The following TNRC6C variants were observed in gnomAD, a reference collection of about 807,000 sequenced individuals.
TNRC6C encodes trinucleotide repeat-containing gene 6C protein.
TNRC6C carries 20 observed loss-of-function variants against 153.7 expected under a neutral mutation model. The ratio of observed to expected loss-of-function variants is 0.13; its 90% confidence interval spans 0.09 to 0.19. TNRC6C has a LOEUF of 0.19. TNRC6C is among the 10% of genes least tolerant of loss of function. The probability of loss-of-function intolerance (pLI) is 1.00; values close to 1 mark genes in which losing one functional copy is unlikely to be tolerated. For missense variants in TNRC6C, 1,987 were observed against 2,172.0 expected (o/e 0.91, Z 1.69); for synonymous variants, 811 against 841.4 (o/e 0.96, Z 0.63).
chr17:77,961,626 G>A (rs1009327240), intron 1 of TNRC6C, among the ~76,000 whole-genome samples: 8 of 152,122 alleles, frequency 5.3e-5, no homozygotes, highest in Non-Finnish European at 1.2e-4. Context: ...TTATTGCGGG[G>A]GGCGAGGGTG....
chr17:77,973,186 G>A (rs1262556560), intron 1 of TNRC6C, among the ~76,000 whole-genome samples: 1 of 152,114 alleles, frequency 6.6e-6, no homozygotes, highest in Admixed American at 6.5e-5. Context: ...GATTACAGGC[G>A]TGAGCCACTA....
chr17:78,086,782 C>A, intron 12 of TNRC6C, 71 bp from the exon 15 acceptor site: 1 of 1,584,860 alleles, frequency 6.3e-7, no homozygotes, highest in Non-Finnish European at 8.6e-7. Flanking sequence ...ATGAAGAATG[C>A]ATTTGGTCCC....
intron 1 of TNRC6C, among the ~76,000 whole-genome samples, chr17:78,018,810 TCTATAAA>T (rs2071779105): frequency 6.6e-6 from 1 of 152,152 alleles, no homozygotes; most frequent in Non-Finnish European, 1.5e-5. Flanking sequence ...GAGTACTGTC[TCTATAAA>T]CTAGAAATCC....
chr17:78,103,568 A>G lies in TNRC6C; in HGVS notation c.4712+15A>G. The G allele has an allele frequency of 1.9e-6, 3 of 1,613,770 alleles. No individual in the cohort carries two copies. Among genetic ancestry groups the G allele is most frequent in the Non-Finnish European group, 2.5e-6 (3 of 1,179,820 alleles). ...TCTCTGCACATGTATGTTTTCTCAC[A>G]GCCACCTCAGCGCTCCAAGTAGCTC... On this transcript the variant is annotated intron_variant, in intron 19 of 19. Transcript: ENST00000301624.
chr17:78,064,660 A>G, intron 3 of TNRC6C, 62 bp from the exon 6 acceptor site: 3 of 1,475,016 alleles, frequency 2.0e-6, no homozygotes, highest in East Asian at 4.5e-5. Context: ...AAACTGAATT[A>G]TATTTTTGCT....
At chr17:78,105,097 G>A (rs1193614492) in exon 20 of TNRC6C, 2 of 397,896 alleles carry the variant, frequency 5.0e-6, no homozygotes, top group Non-Finnish European at 8.7e-6. Flanking sequence ...TGTTTGTATA[G>A]TGTGTTGTCA....
chr17:78,049,416 G>A lies in TNRC6C; in HGVS notation c.354G>A (p.Val118=), dbSNP rs1230395244. The A allele has an allele frequency of 1.9e-6, 3 of 1,613,984 alleles. No individual in the cohort carries two copies. Among genetic ancestry groups the A allele is most frequent in the Non-Finnish European group, 2.5e-6 (3 of 1,179,884 alleles). ...CTGTACTTGGACATGAAGGAACCGT[G>A]GCGACAGGCAACCCTTCCAGTATTT... Residue 118 remains valine (V), a synonymous_variant, in exon 3 of 20, where the codon GTG becomes GTA. Coordinates refer to ENST00000301624, the Ensembl canonical transcript of TNRC6C. This position sits in a 1 kb window ranked among gnomAD's most constrained non-coding sequence, Gnocchi z 4.1.
chr17:78,036,236 C>G (rs79494447), intron 2 of TNRC6C, among the ~76,000 whole-genome samples: 2 of 152,152 alleles, frequency 1.3e-5, no homozygotes, highest in Non-Finnish European at 1.5e-5. Context: ...GCCCTCCCCC[C>G]AGGTTTTAGT....
intron 13 of TNRC6C, among the ~76,000 whole-genome samples, chr17:78,089,932 A>G (rs2073364487): frequency 6.6e-6 from 1 of 152,238 alleles, no homozygotes; most frequent in Non-Finnish European, 1.5e-5. Context: ...CAGAGGGGAA[A>G]GTTGGGAGAG....
intron 1 of TNRC6C, among the ~76,000 whole-genome samples, chr17:78,022,625 G>A (rs1464671035): frequency 6.6e-6 from 1 of 152,126 alleles, no homozygotes; most frequent in Non-Finnish European, 1.5e-5. Flanking sequence ...GGGTGGGACT[G>A]GATGATTTCT....
intron 17 of TNRC6C, among the ~76,000 whole-genome samples, chr17:78,101,138 G>T (rs984011641): frequency 6.6e-6 from 1 of 152,182 alleles, no homozygotes; most frequent in Non-Finnish European, 1.5e-5. Flanking sequence ...CAGCACCCAA[G>T]TCACCTCTTG....
intron 16 of TNRC6C, among the ~76,000 whole-genome samples, chr17:78,095,926 C>T (rs2073478232): frequency 6.6e-6 from 1 of 152,112 alleles, no homozygotes; most frequent in South Asian, 2.1e-4. Flanking sequence ...TGGCACACGT[C>T]AGTGGTCCCA....
chr17:78,028,201 T>C (rs1468398858), intron 1 of TNRC6C, among the ~76,000 whole-genome samples: 1 of 152,106 alleles, frequency 6.6e-6, no homozygotes, highest in Non-Finnish European at 1.5e-5. Flanking sequence ...CGCTGAAACT[T>C]GGAGTTTTTA....
intron 17 of TNRC6C, among the ~76,000 whole-genome samples, chr17:78,098,994 ACAAACC>A (rs2073539526): frequency 6.6e-6 from 1 of 152,196 alleles, no homozygotes; most frequent in Non-Finnish European, 1.5e-5. Context: ...CCAAAACAAA[ACAAACC>A]CCACCAGTTT....
intron 1 of TNRC6C, among the ~76,000 whole-genome samples, chr17:77,973,287 ATTCT>A (rs200665020): frequency 0.015 from 2,330 of 152,332 alleles, 70 homozygotes; most frequent in African/African-American, 0.053. Flanking sequence ...AAAATCTAAC[ATTCT>A]TTCATGAGAA....
At chr17:78,095,005 C>G (rs1264090982) in intron 16 of TNRC6C, among the ~76,000 whole-genome samples, 2 of 152,192 alleles carry the variant, frequency 1.3e-5, no homozygotes, top group African/African-American at 4.8e-5. Context: ...CCCAGCCCTC[C>G]CCGCTTGTCA....
intron 15 of TNRC6C, 118 bp downstream of exon 17, chr17:78,093,242 C>A: frequency 1.7e-6 from 2 of 1,152,162 alleles, no homozygotes; most frequent in Non-Finnish European, 2.4e-6. Flanking sequence ...AAGCGTTAAG[C>A]CCAGAGCTTT....
intron 4 of TNRC6C, 22 bp from the exon 7 acceptor site, chr17:78,067,735 T>C: frequency 1.9e-6 from 3 of 1,591,550 alleles, no homozygotes; most frequent in Non-Finnish European, 2.6e-6. Flanking sequence ...ATTTGATAAG[T>C]TCATGTTTGC....
chr17:78,007,772 A>T (rs944698929), intron 1 of TNRC6C, among the ~76,000 whole-genome samples: 2 of 152,240 alleles, frequency 1.3e-5, no homozygotes, highest in Non-Finnish European at 2.9e-5. Context: ...TACTGAATCA[A>T]TCAACATTGT....
Sources: allele counts gnomAD v4.1 joint callset (sites outside exome capture counted in the v4.1 genomes callset), GRCh38; gene constraint gnomAD v4.1.1; non-coding constraint Gnocchi (gnomAD v3.1); transcripts MANE v1.5; gene names NCBI Gene and HGNC (gene_info 2026-07-23, HGNC 2026-07-21).